Variants in TMEM218 observed in about 807,000 individuals in gnomAD.
The protein encoded by TMEM218 is transmembrane protein 218.
A neutral mutation model predicts 10.0 loss-of-function variants in TMEM218; 8 were observed. That is an observed-to-expected ratio of 0.80 (90% CI 0.47 to 1.44). The LOEUF (loss-of-function observed/expected upper bound fraction) is 1.44, where lower values mean the gene tolerates loss of function less well. TMEM218 is among the 40% of genes most tolerant of loss of function. The pLI is 0.00. For missense variants in TMEM218, 110 were observed against 140.1 expected, an observed-to-expected ratio of 0.79 and a Z score of 1.08; for synonymous variants, 66 against 63.5, an observed-to-expected ratio of 1.04 and a Z score of -0.18.
intron 1 of TMEM218, among the ~76,000 whole-genome samples, chr11:125,107,885 C>CAAA (rs56007000): frequency 2.0e-5 from 2 of 101,630 alleles, no homozygotes; most frequent in African/African-American, 6.8e-5. Context: ...TTATCAAAGA[C>CAAA]AAAAAAAAAA....
chr11:125,105,262 T>C (rs117018597), intron 1 of TMEM218, among the ~76,000 whole-genome samples: 1 of 152,058 alleles, frequency 6.6e-6, no homozygotes, highest in African/African-American at 2.4e-5. Context: ...AATAGAAAGA[T>C]TAACATGAAA....
At position 125,097,614 on chromosome 11, in the gene TMEM218, A is replaced by AGT. The variant is rs746386585; in HGVS notation, c.338_339dup (p.Ser114ThrfsTer33). 1.9e-5 allele frequency: 31 copies of AGT among 1,613,862 alleles called. No individual in the cohort carries two copies. The East Asian group carries it at 6.0e-4, about 31-fold the overall frequency. On this transcript the variant is annotated frameshift_variant, in exon 5 of 5. Coordinates refer to ENST00000682305, the MANE Select transcript of TMEM218 (RefSeq NM_001258244.2). LOFTEE classifies it high-confidence loss of function. ...GTTTTCCTGAAGAGTGGTCAGTAGGAGTGCAGTGGTTTGGCATAGATCGGC... is the reference window on the plus strand; with the variant it reads ...GTTTTCCTGAAGAGTGGTCAGTAGGAGTGTGCAGTGGTTTGGCATAGATCGGC...
In TMEM218 at chr11:125,101,195, C is replaced by A; in HGVS notation, c.213+6G>T. The A allele has an allele frequency of 6.2e-7, 1 of 1,612,872 alleles. No homozygotes were observed. Among genetic ancestry groups the A allele is most frequent in the Non-Finnish European group, 8.5e-7 (1 of 1,179,318 alleles). ...TCAGGAGGCAAAACGAAAGCAACAG[C>A]TTTACCTTAACTTCCACTTCTGGGG... On this transcript the variant is annotated splice_donor_region_variant and intron_variant, in intron 4 of 4. Transcript: ENST00000682305.
At chr11:125,099,200 C>T (rs891315421) in intron 4 of TMEM218, among the ~76,000 whole-genome samples, 4 of 152,154 alleles carry the variant, frequency 2.6e-5, no homozygotes, top group Non-Finnish European at 5.9e-5. Context: ...CCAGAGATTA[C>T]CCCAACAGTC....
intron 2 of TMEM218, 78 bp from the exon 3 acceptor site, chr11:125,102,395 A>G (rs1951022459): frequency 6.6e-7 from 1 of 1,523,222 alleles, no homozygotes; most frequent in South Asian, 1.2e-5. Context: ...GTGTGTTAGG[A>G]GGATTACTCA....
chr11:125,102,599 G>A (rs967749295), intron 2 of TMEM218, 135 bp downstream of exon 2: 4 of 1,317,750 alleles, frequency 3.0e-6, no homozygotes, highest in Non-Finnish European at 4.0e-6. Context: ...CCCAGCCCAC[G>A]GGAGAAAGCT....
At position 125,107,797 on chromosome 11, in the gene TMEM218, GTGTATA is replaced by G. The variant is rs1262167173; in HGVS notation, c.-153+3736_-153+3741del. Among the ~76,000 whole-genome samples, 23 of 147,392 alleles carry G rather than the reference GTGTATA, an allele frequency of 1.6e-4. No homozygotes were observed. In the East Asian group the frequency reaches 2.5e-3, roughly 16 times the overall value. ...TCATAATAAAAAGATGTGGATATGT[GTGTATA>G]TATATATATATATCTGCATAAATAT... is the stretch of plus-strand genomic sequence containing the variant. On this transcript the variant is annotated intron_variant, in intron 1 of 4. Transcript: ENST00000682305.
intron 1 of TMEM218, among the ~76,000 whole-genome samples, chr11:125,107,893 A>C (rs1169512713): frequency 6.6e-6 from 1 of 151,606 alleles, no homozygotes; most frequent in African/African-American, 2.4e-5. Flanking sequence ...GACAAAAAAA[A>C]AAAAAAGAGA....
chr11:125,106,966 T>C (rs914728155), intron 1 of TMEM218, among the ~76,000 whole-genome samples: 1 of 152,192 alleles, frequency 6.6e-6, no homozygotes, highest in Non-Finnish European at 1.5e-5. Flanking sequence ...TATTCATTCA[T>C]ACAGTATATA....
intron 1 of TMEM218, among the ~76,000 whole-genome samples, chr11:125,105,361 G>A (rs1163520047): frequency 2.0e-5 from 3 of 152,162 alleles, no homozygotes; most frequent in African/African-American, 7.2e-5. Context: ...AAGAGTAAGT[G>A]TAAAACAAAG....
chr11:125,101,043 T>C (rs961976766), intron 4 of TMEM218, among the ~76,000 whole-genome samples, 158 bp downstream of exon 4: 1 of 152,112 alleles, frequency 6.6e-6, no homozygotes, highest in Non-Finnish European at 1.5e-5. Context: ...CAGGGGAACT[T>C]AAAACTCCCT....
chr11:125,103,520 A>G (rs1951374427), intron 1 of TMEM218: 1 of 152,186 alleles, frequency 6.6e-6, no homozygotes, highest in Admixed American at 6.5e-5. Flanking sequence ...CCATCTTCCC[A>G]TGGCATTCTC....
Position 125,096,004 on chromosome 11 carries a change from T to A in TMEM218, c.*1602A>T, listed in dbSNP as rs1438796527. Among the ~76,000 whole-genome samples, 2 of 152,180 alleles carry A rather than the reference T, an allele frequency of 1.3e-5. No homozygotes were observed. The highest frequency in any genetic ancestry group is 6.5e-5 in the Admixed American group (1 of 15,286). On this transcript the variant is annotated 3_prime_UTR_variant, in exon 5 of 5. Coordinates refer to ENST00000682305, the MANE Select transcript of TMEM218 (RefSeq NM_001258244.2). ...CATGAGGCCCCCAGCTTGTCTCAAT[T>A]CCCTCAAGACTTATGCATTCTTTTT...
At position 125,097,597 on chromosome 11, in the gene TMEM218, G is replaced by T; in HGVS notation, c.*9C>A. 1 of 1,613,302 alleles carries T rather than the reference G, an allele frequency of 6.2e-7. No homozygotes were observed. Among genetic ancestry groups the T allele is most frequent in the Non-Finnish European group, 8.5e-7 (1 of 1,179,556 alleles). On this transcript the variant is annotated 3_prime_UTR_variant, in exon 5 of 5. Transcript: ENST00000682305. ...GGAGAGAACAGGTTTTCGTTTTCCT[G>T]AAGAGTGGTCAGTAGGAGTGCAGTG...
chr11:125,107,791 A>T (rs1396729580), intron 1 of TMEM218, among the ~76,000 whole-genome samples: 1 of 79,402 alleles, frequency 1.3e-5, no homozygotes, highest in African/African-American at 4.6e-5. Context: ...AAAGATGTGG[A>T]TATGTGTGTA....
chr11:125,099,353 G>T (rs930759338), intron 4 of TMEM218, among the ~76,000 whole-genome samples: 2 of 152,192 alleles, frequency 1.3e-5, no homozygotes, highest in Non-Finnish European at 2.9e-5. Context: ...CAGGCCTTGG[G>T]TGCAGAAGGC....
chr11:125,109,342 A>G (rs7121692), intron 1 of TMEM218, among the ~76,000 whole-genome samples: 102,109 of 152,024 alleles, frequency 0.67, 34,772 homozygotes, highest in East Asian at 0.95. Flanking sequence ...GGGCATAAAC[A>G]ATACATGACA....
intron 4 of TMEM218, among the ~76,000 whole-genome samples, chr11:125,100,398 G>A (rs1565420815): frequency 6.6e-6 from 1 of 152,192 alleles, no homozygotes. Flanking sequence ...CTGTCCTGAG[G>A]TTTAAATGAG....
chr11:125,110,050 A>T (rs561284686), intron 1 of TMEM218, among the ~76,000 whole-genome samples: 28 of 152,390 alleles, frequency 1.8e-4, no homozygotes, highest in African/African-American at 5.8e-4. Flanking sequence ...CTTACTAAGC[A>T]TAGAAAAGAA....
Sources: gnomAD v4.1 joint callset for allele counts (sites outside exome capture counted in the v4.1 genomes callset) on GRCh38, gnomAD v4.1.1 for gene constraint, MANE v1.5 for transcripts, NCBI Gene and HGNC (gene_info 2026-07-23, HGNC 2026-07-21) for gene names.